Variants in CACNA1H observed in about 807,000 individuals in gnomAD.
CACNA1H encodes voltage-dependent T-type calcium channel subunit alpha-1H.
A neutral mutation model predicts 192.5 loss-of-function variants in CACNA1H; 149 were observed. The observed-to-expected ratio is 0.77, with a 90% CI of 0.68 to 0.89. The LOEUF (loss-of-function observed/expected upper bound fraction) is 0.89. Among genes scored for constraint, CACNA1H ranks in the 40% least tolerant of loss-of-function variants. The pLI is 0.00. For missense variants in CACNA1H, 4,257 were observed against 3,423.5 expected (o/e 1.24, Z -6.08); for synonymous variants, 2,202 against 1,475.2 (o/e 1.49, Z -11.29).
At chr16:1,186,817 C>T (rs950394801) in intron 2 of CACNA1H, among the ~76,000 whole-genome samples, 1 of 152,202 alleles carries the variant, frequency 6.6e-6, no homozygotes, top group Non-Finnish European at 1.5e-5. Flanking sequence ...CGCCCTGGTT[C>T]TCAGGGCCGT....
intron 2 of CACNA1H, among the ~76,000 whole-genome samples, chr16:1,181,899 TACAC>T (rs899655323): frequency 2.0e-5 from 3 of 152,122 alleles, no homozygotes; most frequent in Non-Finnish European, 2.9e-5. Flanking sequence ...ACACTGCCCT[TACAC>T]ACATGCGCCC....
In CACNA1H at chr16:1,220,126, C is replaced by T. The variant is rs762527626; in HGVS notation, c.6194C>T (p.Ala2065Val). Reference sequence around the variant, plus strand: ...TCCCCACCACGCTCCCCACGGCCCGCCAGCGTCCGCACTCGTAAGCATACC... The same window carrying T: ...TCCCCACCACGCTCCCCACGGCCCGTCAGCGTCCGCACTCGTAAGCATACC... ...LQSPPRSPRPASVRTRKHTFG... is the reference protein window; with the variant it reads ...LQSPPRSPRPVSVRTRKHTFG... The change falls in exon 35 of 35, where the codon GCC (alanine) becomes GTC (valine). Residue 2065 changes from alanine to valine, a missense_variant. Ala to Val is a moderately conservative substitution (Grantham distance 64). Transcript: ENST00000348261. 3 of 1,494,184 alleles carry T rather than the reference C, an allele frequency of 2.0e-6. No individual in the cohort carries two copies. The highest frequency in any genetic ancestry group is 2.7e-6 in the Non-Finnish European group (3 of 1,123,616). 92.6% of individuals were successfully genotyped at this position (1,494,184 alleles called of 1,614,324 possible).
chr16:1,165,325 AG>A (rs1963648654), intron 2 of CACNA1H, among the ~76,000 whole-genome samples: 1 of 152,184 alleles, frequency 6.6e-6, no homozygotes, highest in Non-Finnish European at 1.5e-5. Context: ...CCCAGACCCC[AG>A]TTGGTGTGTT....
chr16:1,196,746 C>A (rs912109387), intron 5 of CACNA1H, among the ~76,000 whole-genome samples: 1 of 151,958 alleles, frequency 6.6e-6, no homozygotes, highest in African/African-American at 2.4e-5. Flanking sequence ...GGAAGAGCTT[C>A]CAGGAAGTCA....
At chr16:1,207,149 G>A (rs2141306125) in intron 13 of CACNA1H, 31 bp downstream of exon 13, 4 of 1,555,962 alleles carry the variant, frequency 2.6e-6, no homozygotes, top group Non-Finnish European at 3.5e-6. Flanking sequence ...AGCAGTGTTG[G>A]GTGCTGAGTG....
rs757640938 is a variant in CACNA1H at position 1,200,319 on chromosome 16, C to T, written c.867C>T (p.Phe289=). ...YQTEEGEENP[F]ICSSRRDNGM... ...CGGAGGAGGGCGAGGAGAACCCGTT[C>T]ATCTGCTCCTCACGCCGAGACAACG... Residue 289 remains phenylalanine (F), a synonymous_variant, in exon 7 of 35, where the codon TTC becomes TTT. Coordinates refer to ENST00000348261, the MANE Select transcript of CACNA1H (RefSeq NM_021098.3). 4 of 1,605,822 alleles carry T rather than the reference C, an allele frequency of 2.5e-6. No individual in the cohort carries two copies. The highest frequency in any genetic ancestry group is 2.2e-5 in the South Asian group (2 of 89,926).
rs201855332 is a variant in CACNA1H at position 1,210,868 on chromosome 16, G to A, written c.4120G>A (p.Val1374Met). The change falls in exon 21 of 35, where the codon GTG (valine) becomes ATG (methionine). Residue 1374 changes from valine to methionine, a missense_variant. By Grantham distance (21) the Val-to-Met change is conservative. Transcript: ENST00000348261. ...CCTGCTGGATGGGCTGCTGGTGCTG[G>A]TGTCCCTGGTGGACATTGTCGTGGC... ...WNLLDGLLVL[V>M]SLVDIVVAMA... 542 of 1,605,478 alleles carry A rather than the reference G, an allele frequency of 3.4e-4. 2 individuals carry two copies. The highest frequency in any genetic ancestry group is 4.5e-4 in the Admixed American group (27 of 60,006).
At chr16:1,199,688 C>G (rs1210638965) in intron 6 of CACNA1H, among the ~76,000 whole-genome samples, 1 of 149,900 alleles carries the variant, frequency 6.7e-6, no homozygotes, top group Non-Finnish European at 1.5e-5. Context: ...GTTCTCCCCT[C>G]AATTCTCACC....
At position 1,209,211 on chromosome 16, in the gene CACNA1H, C is replaced by T. The variant is rs958144782; in HGVS notation, c.3543C>T (p.Asp1181=). ...GKGSTDDEAE[D]GRAAPGPRAT... Reference sequence around the variant, plus strand: ...GCAGCACCGACGACGAAGCTGAGGACGGCAGGGCCGCGCCCGGGCCCCGTG... The same window carrying T: ...GCAGCACCGACGACGAAGCTGAGGATGGCAGGGCCGCGCCCGGGCCCCGTG... The change falls in exon 17 of 35, where the codon GAC becomes GAT. Residue 1181 remains aspartate (D), a synonymous_variant. Transcript: ENST00000348261. 8.6e-5 allele frequency: 133 copies of T among 1,548,242 alleles called. 1 individual carries two copies. Among genetic ancestry groups the T allele is most frequent in the Middle Eastern group, 5.0e-4 (3 of 6,002 alleles).
intron 2 of CACNA1H, among the ~76,000 whole-genome samples, chr16:1,173,468 ATTTAC>A (rs1445505028): frequency 6.6e-6 from 1 of 152,220 alleles, no homozygotes; most frequent in Non-Finnish European, 1.5e-5. Context: ...CTCTCTCGCT[ATTTAC>A]TTTTTTAGTA....
At chr16:1,153,699 G>A in intron 1 of CACNA1H, 21 bp from the exon 2 acceptor site, 1 of 1,186,240 alleles carries the variant, frequency 8.4e-7, no homozygotes, top group East Asian at 3.6e-5. Context: ...CCGGCCCCGG[G>A]TCACCCCCTG....
At chr16:1,170,578 T>C (rs939958041) in intron 2 of CACNA1H, among the ~76,000 whole-genome samples, 2 of 152,182 alleles carry the variant, frequency 1.3e-5, no homozygotes, top group African/African-American at 4.8e-5. Context: ...GTTTTCCAAC[T>C]TTAATCAGGG....
chr16:1,158,922 C>A (rs760337029), intron 2 of CACNA1H, among the ~76,000 whole-genome samples: 10 of 152,296 alleles, frequency 6.6e-5, no homozygotes, highest in Admixed American at 5.2e-4. Context: ...AGAGCCCCCC[C>A]GCTCAGCCCG....
chr16:1,163,364 A>G (rs1158809118), intron 2 of CACNA1H, among the ~76,000 whole-genome samples: 1 of 152,162 alleles, frequency 6.6e-6, no homozygotes, highest in Non-Finnish European at 1.5e-5. Context: ...GAGTCTCCCC[A>G]TGGCACCTCG....
intron 11 of CACNA1H, among the ~76,000 whole-genome samples, chr16:1,205,691 C>T (rs1014937038): frequency 1.3e-5 from 2 of 152,304 alleles, no homozygotes; most frequent in South Asian, 2.1e-4. Context: ...AGGGGAAACG[C>T]CCCCGGTCTT....
rs575860299 is a variant in CACNA1H at position 1,198,893 on chromosome 16, C to G, written c.803+119C>G. On this transcript the variant is annotated intron_variant, in intron 6 of 34. Transcript: ENST00000348261. ...CTGCCCACCGTGCAGTCACCCGCCC[C>G]GCCACTGCTGTCCCCGTCATGGCTC... The G allele has an allele frequency of 2.3e-5, 21 of 895,640 alleles. No homozygotes were observed. In the African/African-American group the frequency reaches 2.8e-4, roughly 12 times the overall value. The allele number at this position is 895,640 out of a possible 1,614,324, so 55.5% of individuals were successfully genotyped here. A position where few individuals can be genotyped will look rare whatever the true frequency, so the allele number is the denominator to read the frequency against.
At position 1,206,618 on chromosome 16, in the gene CACNA1H, C is replaced by T. The variant is rs1032267645; in HGVS notation, c.2789+329C>T. 6.9e-6 allele frequency: 3 copies of T among 435,398 alleles called. No homozygotes were observed. The East Asian group carries it at 1.3e-4, about 19-fold the overall frequency. 27.0% of individuals were successfully genotyped at this position (435,398 alleles called of 1,614,324 possible). On this transcript the variant is annotated intron_variant, in intron 12 of 34. Transcript: ENST00000348261. ...GGTGTTCTGAGCGCCTGCTGTGTGC[C>T]CGTCTAGCCTGGAGCTCAGGGTCAG...
chr16:1,178,362 C>G (rs548979618), intron 2 of CACNA1H, among the ~76,000 whole-genome samples: 51 of 147,396 alleles, frequency 3.5e-4, no homozygotes, highest in Non-Finnish European at 6.3e-4. Flanking sequence ...ATTCATATCT[C>G]AGAGTCCTAA....
At chr16:1,199,623 G>A (rs1168255273) in intron 6 of CACNA1H, among the ~76,000 whole-genome samples, 1 of 148,758 alleles carries the variant, frequency 6.7e-6, no homozygotes, top group African/African-American at 2.5e-5. Context: ...CTCGGCCCTT[G>A]CTCTGCAGTC....
Sources: gnomAD v4.1 joint callset for allele counts (sites outside exome capture counted in the v4.1 genomes callset) on GRCh38, gnomAD v4.1.1 for gene constraint, MANE v1.5 for transcripts, NCBI Gene and HGNC (gene_info 2026-07-23, HGNC 2026-07-21) for gene names.